The following NKAIN2 variants were observed in gnomAD, a reference collection of about 807,000 sequenced individuals.
NKAIN2 encodes the protein sodium/potassium-transporting ATPase subunit beta-1-interacting protein 2.
NKAIN2 carries 14 observed loss-of-function variants against 32.6 expected under a neutral mutation model. The observed-to-expected ratio is 0.43, with a 90% confidence interval of 0.28 to 0.67. The LOEUF (loss-of-function observed/expected upper bound fraction) is 0.67. Ranked by LOEUF, NKAIN2 falls within the 30% of genes least tolerant of loss-of-function variation. NKAIN2 has a pLI of 0.17. For synonymous variants in NKAIN2, 80 were observed against 87.2 expected (o/e 0.92, Z 0.46); for missense variants, 198 against 258.3 (o/e 0.77, Z 1.60).
chr6:124,777,373 G>T (rs1779026686), intron 4 of NKAIN2, among the ~76,000 whole-genome samples: 1 of 152,136 alleles, frequency 6.6e-6, no homozygotes, highest in African/African-American at 2.4e-5. Context: ...CCCTGGGTTT[G>T]AATCTCAGCT....
intron 4 of NKAIN2, among the ~76,000 whole-genome samples, chr6:124,762,609 G>A (rs1157960038): frequency 6.6e-6 from 1 of 152,156 alleles, no homozygotes; most frequent in South Asian, 2.1e-4. Context: ...TTAGATATTT[G>A]ATTGTTATTT....
At chr6:123,866,485 C>T (rs570807050) in intron 1 of NKAIN2, among the ~76,000 whole-genome samples, 2 of 152,140 alleles carry the variant, frequency 1.3e-5, no homozygotes, top group Middle Eastern at 3.4e-3. Flanking sequence ...GGCTGGAGTG[C>T]GGTGGTGCGA....
chr6:124,438,214 T>G (rs1021365098), intron 3 of NKAIN2, among the ~76,000 whole-genome samples: 1 of 152,140 alleles, frequency 6.6e-6, no homozygotes, highest in Non-Finnish European at 1.5e-5. Context: ...GCTGCAATAA[T>G]TGTCTAAAAA....
At position 124,812,652 on chromosome 6, in the gene NKAIN2, G is replaced by A. The variant is rs114740478; in HGVS notation, c.536-5735G>A. 4.0e-3 allele frequency among the ~76,000 whole-genome samples: 612 copies of A among 152,142 alleles called. 2 individuals carry two copies. Among genetic ancestry groups the A allele is most frequent in the African/African-American group, 0.014 (583 of 41,510 alleles). ...TAGAGTTACATTTCCCTTTTCCCAA[G>A]CGTCTCTTCACTTAGATGTACTACT... On this transcript the variant is annotated intron_variant, in intron 5 of 6. Coordinates refer to ENST00000368417, the MANE Select transcript of NKAIN2 (RefSeq NM_001040214.3).
intron 2 of NKAIN2, among the ~76,000 whole-genome samples, chr6:124,313,987 G>C (rs757319641): frequency 1.3e-5 from 2 of 152,008 alleles, no homozygotes; most frequent in Admixed American, 6.6e-5. Context: ...TGACATTCCC[G>C]GGGGTAGAAG....
At chr6:123,897,843 G>T (rs1490370404) in intron 1 of NKAIN2, among the ~76,000 whole-genome samples, 3 of 152,168 alleles carry the variant, frequency 2.0e-5, no homozygotes, top group Non-Finnish European at 4.4e-5. Flanking sequence ...CACTGAGCTG[G>T]TCGGGTTTCT....
At chr6:124,815,502 T>G (rs1781123048) in intron 5 of NKAIN2, among the ~76,000 whole-genome samples, 1 of 152,006 alleles carries the variant, frequency 6.6e-6, no homozygotes, top group South Asian at 2.1e-4. Flanking sequence ...ACTGCTGACC[T>G]TAGGTGACCC....
chr6:124,070,065 G>A (rs563689552), intron 1 of NKAIN2, among the ~76,000 whole-genome samples: 8 of 152,176 alleles, frequency 5.3e-5, no homozygotes, highest in East Asian at 1.9e-4. Context: ...TTGTACCTTC[G>A]GCCACACCAC....
chr6:124,282,687 AT>A (rs1410964934), intron 1 of NKAIN2, among the ~76,000 whole-genome samples: 2 of 152,228 alleles, frequency 1.3e-5, no homozygotes, highest in Non-Finnish European at 2.9e-5. Context: ...TTGCTGGTTG[AT>A]GACTTCAAAT....
At chr6:124,550,902 T>C (rs1780263123) in intron 3 of NKAIN2, among the ~76,000 whole-genome samples, 1 of 152,162 alleles carries the variant, frequency 6.6e-6, no homozygotes, top group Non-Finnish European at 1.5e-5. Flanking sequence ...AGATATTAGC[T>C]AAGAGTGAAG....
rs897337517 is a variant in NKAIN2, at chr6:124,147,628, AAAC to A, written c.55-135374_55-135372del. ...TTCAACAAAAAAAAAGCCCACGAAA[AAAC>A]AAAAACAAAAAAACTGAATTTGTCA... On this transcript the variant is annotated intron_variant, in intron 1 of 6. Transcript: ENST00000368417. 9.5e-4 allele frequency among the ~76,000 whole-genome samples: 145 copies of A among 152,226 alleles called. 1 individual carries two copies. The highest frequency in any genetic ancestry group is 3.3e-3 in the African/African-American group (137 of 41,550).
At chr6:124,021,453 C>A (rs1780861360) in intron 1 of NKAIN2, among the ~76,000 whole-genome samples, 1 of 151,776 alleles carries the variant, frequency 6.6e-6, no homozygotes, top group African/African-American at 2.4e-5. Flanking sequence ...ATATTAAGTC[C>A]TTTCAATTTG....
At chr6:124,281,437 C>T (rs1325542730) in intron 1 of NKAIN2, among the ~76,000 whole-genome samples, 1 of 152,140 alleles carries the variant, frequency 6.6e-6, no homozygotes, top group Non-Finnish European at 1.5e-5. Context: ...AATGGCTCAT[C>T]AGAAGACAAT....
chr6:123,965,882 T>A (rs940980988), intron 1 of NKAIN2, among the ~76,000 whole-genome samples: 5 of 152,192 alleles, frequency 3.3e-5, no homozygotes, highest in Non-Finnish European at 7.3e-5. Flanking sequence ...AAACCCAGTC[T>A]AATTAATTAG....
intron 1 of NKAIN2, among the ~76,000 whole-genome samples, chr6:124,072,600 G>C (rs1783512972): frequency 6.6e-6 from 1 of 151,928 alleles, no homozygotes; most frequent in Admixed American, 6.6e-5. Flanking sequence ...TCCTCCATCT[G>C]CCCCTTATGC....
intron 4 of NKAIN2, among the ~76,000 whole-genome samples, chr6:124,725,252 T>A (rs1164589986): frequency 6.6e-6 from 1 of 152,192 alleles, no homozygotes; most frequent in African/African-American, 2.4e-5. Flanking sequence ...TTTGGCCATT[T>A]TTTTTGAAAT....
At chr6:123,928,659 T>C (rs1010295710) in intron 1 of NKAIN2, among the ~76,000 whole-genome samples, 1 of 152,164 alleles carries the variant, frequency 6.6e-6, no homozygotes, top group African/African-American at 2.4e-5. Flanking sequence ...CTCTTAAATA[T>C]TTCTAGTAGA....
intron 2 of NKAIN2, among the ~76,000 whole-genome samples, chr6:124,352,673 G>A (rs62434727): frequency 0.024 from 3,634 of 152,240 alleles, 90 homozygotes; most frequent in Non-Finnish European, 0.034. Context: ...ATAATATGGG[G>A]AAAATATGTC....
intron 5 of NKAIN2, among the ~76,000 whole-genome samples, chr6:124,806,830 G>T (rs897211429): frequency 6.8e-6 from 1 of 147,912 alleles, no homozygotes; most frequent in Non-Finnish European, 1.5e-5. Flanking sequence ...AAAGGCAGGG[G>T]TTGCAATCCT....
Sources: gnomAD v4.1 joint callset for allele counts (sites outside exome capture counted in the v4.1 genomes callset) on GRCh38, gnomAD v4.1.1 for gene constraint, MANE v1.5 for transcripts, NCBI Gene and HGNC (gene_info 2026-07-23, HGNC 2026-07-21) for gene names.